Variants in IQCK observed in about 807,000 individuals in gnomAD.
IQCK encodes IQ domain-containing protein K.
Under a neutral mutation model 28.1 loss-of-function variants are expected in IQCK, and 29 were observed. The ratio of observed to expected loss-of-function variants is 1.03; its 90% CI spans 0.77 to 1.41. IQCK has a LOEUF of 1.41. Among genes scored for constraint, IQCK ranks in the 40% most tolerant of loss-of-function variants. The probability of loss-of-function intolerance (pLI) is 0.00; values close to 1 mark genes in which losing one functional copy is unlikely to be tolerated. For missense variants in IQCK, 359 were observed against 314.7 expected, an observed-to-expected ratio of 1.14 and a Z score of -1.07; for synonymous variants, 113 against 115.1, an observed-to-expected ratio of 0.98 and a Z score of 0.12.
rs557787682 is a variant in IQCK, at chr16:19,810,496, C to CAA, written c.691-16518_691-16517dup. Among the ~76,000 whole-genome samples the CAA allele has an allele frequency of 6.6e-3, 716 of 107,710 alleles. 7 individuals carry two copies. Among genetic ancestry groups the CAA allele is most frequent in the South Asian group, 0.017 (57 of 3,404 alleles). 70.7% of individuals were successfully genotyped at this position (107,710 alleles called of 152,430 possible). ...TGGGTGACAGAGTGAGACTCCGTCTCAAAAAAAAAAAAAGAAAAAGAAAAT... is the reference window on the plus strand; with the variant it reads ...TGGGTGACAGAGTGAGACTCCGTCTCAAAAAAAAAAAAAAAGAAAAAGAAAAT... On this transcript the variant is annotated intron_variant, in intron 7 of 7. Coordinates refer to ENST00000564186, the Ensembl canonical transcript of IQCK.
intron 1 of IQCK, among the ~76,000 whole-genome samples, chr16:19,719,049 G>A (rs954205417): frequency 1.3e-5 from 2 of 152,108 alleles, no homozygotes; most frequent in African/African-American, 4.8e-5. Flanking sequence ...TTCCTTTGTG[G>A]CTCTACTCAG....
intron 6 of IQCK, among the ~76,000 whole-genome samples, chr16:19,767,093 A>G (rs2151714221): frequency 6.6e-6 from 1 of 152,262 alleles, no homozygotes; most frequent in Admixed American, 6.5e-5. Context: ...TCGCTTTTTC[A>G]GTGCCCTGCT....
At chr16:19,779,356 G>A (rs2055443151) in intron 6 of IQCK, among the ~76,000 whole-genome samples, 2 of 152,194 alleles carry the variant, frequency 1.3e-5, no homozygotes, top group African/African-American at 4.8e-5. Context: ...AGAGAGAGGA[G>A]TCAAGAATGC....
chr16:19,724,674 G>T (rs1208550459), intron 1 of IQCK, among the ~76,000 whole-genome samples: 1 of 152,024 alleles, frequency 6.6e-6, no homozygotes, highest in Non-Finnish European at 1.5e-5. Flanking sequence ...GACTACAGGT[G>T]CCCGCCACCA....
intron 9 of IQCK, among the ~76,000 whole-genome samples, chr16:19,836,310 A>G (rs975439204): frequency 1.3e-5 from 2 of 152,156 alleles, no homozygotes; most frequent in Non-Finnish European, 2.9e-5. Flanking sequence ...GCCTTCACCA[A>G]TTCTATTTTT....
At chr16:19,766,656 C>T (rs1259502856) in intron 6 of IQCK, among the ~76,000 whole-genome samples, 1 of 152,168 alleles carries the variant, frequency 6.6e-6, no homozygotes, top group Non-Finnish European at 1.5e-5. Flanking sequence ...GGATGTTTTG[C>T]AGCATCTCTG....
chr16:19,811,447 G>A (rs910252542), intron 7 of IQCK, among the ~76,000 whole-genome samples: 1 of 152,188 alleles, frequency 6.6e-6, no homozygotes, highest in Non-Finnish European at 1.5e-5. Context: ...AACTTTATCT[G>A]AACTATTATC....
intron 1 of IQCK, among the ~76,000 whole-genome samples, chr16:19,722,312 G>A (rs1453255902): frequency 6.6e-6 from 1 of 152,092 alleles, no homozygotes; most frequent in Non-Finnish European, 1.5e-5. Flanking sequence ...CCCGCTACTC[G>A]CCACTCAGCT....
chr16:19,726,509 A>G (rs1326584015), intron 1 of IQCK, among the ~76,000 whole-genome samples: 2 of 152,206 alleles, frequency 1.3e-5, no homozygotes, highest in African/African-American at 2.4e-5. Context: ...AATGATTTAT[A>G]TAAAGATGTT....
chr16:19,831,632 C>T (rs1266380779), downstream of IQCK, among the ~76,000 whole-genome samples: 3 of 149,914 alleles, frequency 2.0e-5, no homozygotes, highest in Non-Finnish European at 4.4e-5. Flanking sequence ...GGAGTGATTG[C>T]AAATGAAAAT....
intron 1 of IQCK, among the ~76,000 whole-genome samples, chr16:19,722,279 G>A (rs1323719194): frequency 2.0e-5 from 3 of 152,104 alleles, no homozygotes; most frequent in Non-Finnish European, 2.9e-5. Flanking sequence ...ACATCCATCT[G>A]TACACGTGGA....
chr16:19,838,307 T>C (rs1173556444), intron 9 of IQCK, among the ~76,000 whole-genome samples: 2 of 151,876 alleles, frequency 1.3e-5, no homozygotes, highest in African/African-American at 2.4e-5. Flanking sequence ...GTTTAGAGGG[T>C]GAGGCAGAGA....
chr16:19,853,175 A>G (rs1446227571), intron 9 of IQCK, among the ~76,000 whole-genome samples: 1 of 152,130 alleles, frequency 6.6e-6, no homozygotes, highest in South Asian at 2.1e-4. Context: ...TGGTAACGCC[A>G]AGCAGTTTTC....
At chr16:19,775,226 C>CA (rs1269665221) in intron 6 of IQCK, among the ~76,000 whole-genome samples, 1,990 of 82,276 alleles carry the variant, frequency 0.024, 32 homozygotes, top group East Asian at 0.073. Context: ...GACTCTGTAT[C>CA]AAAAAAAAAA....
intron 7 of IQCK, among the ~76,000 whole-genome samples, chr16:19,814,786 C>CTTTTT (rs35073247): frequency 4.9e-5 from 6 of 122,416 alleles, no homozygotes; most frequent in African/African-American, 1.9e-4. Context: ...TAAAGAGGGT[C>CTTTTT]TTTTTTTTTT....
chr16:19,857,773 G>T (rs1276395353), exon 10 of IQCK: 1 of 154,030 alleles, frequency 6.5e-6, no homozygotes, highest in Non-Finnish European at 1.4e-5. Flanking sequence ...AAAGCACTGG[G>T]CGCCCAGCTT....
In IQCK at chr16:19,763,946, C is replaced by T. The variant is rs185019621; in HGVS notation, c.527+46C>T. ...TATTCAGTGATCCTAAGAATTCAGT[C>T]GTGTTAATTTGCAAGCAGAATAGCA... is the stretch of plus-strand genomic sequence containing the variant. On this transcript the variant is annotated intron_variant, in intron 5 of 7. Transcript: ENST00000564186. The T allele has an allele frequency of 2.1e-4, 335 of 1,594,698 alleles. No individual in the cohort carries two copies. In the African/African-American group the frequency reaches 4.0e-3, roughly 19 times the overall value.
downstream of IQCK, among the ~76,000 whole-genome samples, chr16:19,831,926 A>G (rs2056237591): frequency 6.6e-6 from 1 of 152,096 alleles, no homozygotes; most frequent in Non-Finnish European, 1.5e-5. Flanking sequence ...TCTAGGATGG[A>G]AGCGGTGTGA....
At chr16:19,719,468 A>G (rs1359619303) in intron 1 of IQCK, among the ~76,000 whole-genome samples, 5 of 151,506 alleles carry the variant, frequency 3.3e-5, no homozygotes, top group Non-Finnish European at 7.4e-5. Flanking sequence ...GTGTGCGCCT[A>G]TAATCTCAGC....
Sources: gnomAD v4.1 joint callset for allele counts (sites outside exome capture counted in the v4.1 genomes callset) on GRCh38, gnomAD v4.1.1 for gene constraint, MANE v1.5 for transcripts, NCBI Gene and HGNC (gene_info 2026-07-23, HGNC 2026-07-21) for gene names.